Variants in CHCHD6 observed in about 807,000 individuals in gnomAD.
The protein encoded by CHCHD6 is MICOS complex subunit MIC25.
Under a neutral mutation model 32.3 loss-of-function variants are expected in CHCHD6, and 28 were observed. That is an observed-to-expected ratio of 0.87 (90% CI 0.64 to 1.19). CHCHD6 has a LOEUF of 1.19. Among genes scored for constraint, CHCHD6 ranks in the 50% most tolerant of loss-of-function variants. The probability of loss-of-function intolerance (pLI) is 0.00; values close to 1 mark genes in which losing one functional copy is unlikely to be tolerated. For missense variants in CHCHD6, 333 were observed against 307.0 expected, an observed-to-expected ratio of 1.08 and a Z score of -0.63; for synonymous variants, 122 against 117.5, an observed-to-expected ratio of 1.04 and a Z score of -0.25.
At chr3:126,824,876 G>A (rs1940321398) in intron 4 of CHCHD6, among the ~76,000 whole-genome samples, 2 of 152,040 alleles carry the variant, frequency 1.3e-5, no homozygotes, top group Non-Finnish European at 2.9e-5. Context: ...ACTGTGCCCG[G>A]CCTGACTTTC....
At chr3:126,928,498 A>C (rs1017387572) in intron 6 of CHCHD6, among the ~76,000 whole-genome samples, 6 of 152,080 alleles carry the variant, frequency 3.9e-5, no homozygotes, top group African/African-American at 1.4e-4. Context: ...GGCTGGCCGC[A>C]CGTCACCTGT....
intron 4 of CHCHD6, chr3:126,780,500 C>A: frequency 4.9e-6 from 1 of 203,354 alleles, no homozygotes; most frequent in Non-Finnish European, 1.0e-5. Flanking sequence ...ATAGTATTTT[C>A]TGTACTTTCT....
intron 4 of CHCHD6, among the ~76,000 whole-genome samples, chr3:126,761,170 G>A (rs956818998): frequency 6.6e-6 from 1 of 152,142 alleles, no homozygotes; most frequent in Non-Finnish European, 1.5e-5. Context: ...TAAAATTGTT[G>A]GATCATGGAT....
At chr3:126,957,703 G>T (rs938852144) in intron 7 of CHCHD6, 152 bp downstream of exon 7, 6 of 918,260 alleles carry the variant, frequency 6.5e-6, no homozygotes, top group East Asian at 5.3e-5. Flanking sequence ...GGGATTCTTC[G>T]CTTTCCTCAG....
At chr3:126,912,382 C>T (rs982423828) in intron 5 of CHCHD6, among the ~76,000 whole-genome samples, 5 of 152,076 alleles carry the variant, frequency 3.3e-5, no homozygotes, top group South Asian at 2.1e-4. Context: ...GAGGCAAAGA[C>T]GTAATCTCTC....
chr3:126,830,875 G>A (rs1294989050), intron 4 of CHCHD6, among the ~76,000 whole-genome samples: 2 of 152,122 alleles, frequency 1.3e-5, no homozygotes, highest in South Asian at 2.1e-4. Context: ...GCCTTTTCTG[G>A]CCTCATTCCC....
intron 4 of CHCHD6, among the ~76,000 whole-genome samples, chr3:126,793,310 G>A (rs906837773): frequency 6.6e-6 from 1 of 151,894 alleles, no homozygotes. Context: ...CTCCTTCCCT[G>A]TCTTCCTGTG....
intron 5 of CHCHD6, among the ~76,000 whole-genome samples, chr3:126,855,669 G>C (rs1290513055): frequency 1.2e-4 from 18 of 152,138 alleles, no homozygotes; most frequent in Admixed American, 1.1e-3. Flanking sequence ...TATCCACTGG[G>C]CTGGGGCCAT....
intron 6 of CHCHD6, among the ~76,000 whole-genome samples, chr3:126,921,197 G>A (rs1447180344): frequency 2.0e-5 from 3 of 152,176 alleles, no homozygotes; most frequent in East Asian, 3.9e-4. Flanking sequence ...ACACCAACCT[G>A]TACTGAGGCC....
chr3:126,932,882 G>A (rs2078426523), intron 6 of CHCHD6, among the ~76,000 whole-genome samples: 1 of 149,010 alleles, frequency 6.7e-6, no homozygotes, highest in Non-Finnish European at 1.5e-5. Flanking sequence ...TTTAGCAGCA[G>A]CCCTGGCTGC....
At chr3:126,730,522 G>A in intron 2 of CHCHD6, 39 bp from the exon 3 acceptor site, 1 of 1,580,076 alleles carries the variant, frequency 6.3e-7, no homozygotes, top group Middle Eastern at 1.7e-4. Context: ...TGGACCCTGG[G>A]GTGCCACTGA....
At chr3:126,741,342 T>A (rs79517784) in intron 4 of CHCHD6, among the ~76,000 whole-genome samples, 1 of 45,306 alleles carries the variant, frequency 2.2e-5, no homozygotes, top group Non-Finnish European at 4.0e-5. Flanking sequence ...AAATCAGTGA[T>A]TTTTTTTTTT....
chr3:126,781,002 G>A (rs1290139457), intron 4 of CHCHD6, among the ~76,000 whole-genome samples: 1 of 152,120 alleles, frequency 6.6e-6, no homozygotes, highest in East Asian at 1.9e-4. Context: ...TTTTGCACAT[G>A]TCTCATTGGC....
chr3:126,889,149 G>A (rs1205047750), intron 5 of CHCHD6, among the ~76,000 whole-genome samples: 1 of 152,274 alleles, frequency 6.6e-6, no homozygotes, highest in East Asian at 1.9e-4. Context: ...GTGTCGGGGT[G>A]GACTAGAAGG....
At chr3:126,845,659 T>C (rs995377103) in intron 4 of CHCHD6, among the ~76,000 whole-genome samples, 4 of 152,210 alleles carry the variant, frequency 2.6e-5, no homozygotes, top group Non-Finnish European at 5.9e-5. Context: ...TTTTGTCTGT[T>C]TGTGTTTTAA....
chr3:126,807,097 T>G (rs1013235057), intron 4 of CHCHD6, among the ~76,000 whole-genome samples: 6 of 149,786 alleles, frequency 4.0e-5, no homozygotes, highest in African/African-American at 1.5e-4. Flanking sequence ...TACCTAATGC[T>G]AAATGAGGAG....
chr3:126,820,119 C>G (rs1940086292), intron 4 of CHCHD6, among the ~76,000 whole-genome samples: 1 of 152,218 alleles, frequency 6.6e-6, no homozygotes, highest in African/African-American at 2.4e-5. Flanking sequence ...TTCCAGGAAA[C>G]TGCCCATCTC....
chr3:126,950,090 G>C (rs1372699485), intron 6 of CHCHD6, among the ~76,000 whole-genome samples: 1 of 152,056 alleles, frequency 6.6e-6, no homozygotes, highest in Non-Finnish European at 1.5e-5. Flanking sequence ...GGTGTGAAGG[G>C]AAGTCTCCAC....
Position 126,852,744 on chromosome 3 carries a change from T to A in CHCHD6, c.495+14T>A. 6.3e-7 allele frequency: 1 copy of A among 1,583,854 alleles called. No individual in the cohort carries two copies. The highest frequency in any genetic ancestry group is 1.3e-5 in the African/African-American group (1 of 74,470). On this transcript the variant is annotated intron_variant, in intron 5 of 7. Coordinates refer to ENST00000290913, the MANE Select transcript of CHCHD6 (RefSeq NM_032343.3). ...ATTGAGAGGAAGGTAAGACTCCTGC[T>A]TGGCTGCATTCCTCGGGGCCAGGTC...
Sources: allele counts gnomAD v4.1 joint callset (sites outside exome capture counted in the v4.1 genomes callset), GRCh38; gene constraint gnomAD v4.1.1; transcripts MANE v1.5; gene names NCBI Gene and HGNC (gene_info 2026-07-23, HGNC 2026-07-21).